Variants in NACC2 observed in about 807,000 individuals in gnomAD.
NACC2 encodes the protein NACC family member 2.
Under a neutral mutation model 25.1 loss-of-function variants are expected in NACC2, and 8 were observed. The ratio of observed to expected loss-of-function variants is 0.32; its 90% CI spans 0.19 to 0.57. The LOEUF is 0.57. Ranked by LOEUF, NACC2 falls within the 20% of genes least tolerant of loss-of-function variation. The probability of loss-of-function intolerance (pLI) is 0.89; values close to 1 mark genes in which losing one functional copy is unlikely to be tolerated. For synonymous variants in NACC2, 435 were observed against 294.7 expected (o/e 1.48, Z -4.88); for missense variants, 644 against 650.2 (o/e 0.99, Z 0.10).
chr9:136,016,460 G>C lies in NACC2; in HGVS notation c.887-31C>G, dbSNP rs191443169. 2.3e-3 allele frequency: 3,627 copies of C among 1,609,382 alleles called. 6 individuals are homozygous for C. The highest frequency in any genetic ancestry group is 4.1e-3 in the Admixed American group (245 of 59,988). ...GGCCCAGAACCAACCTGGTCAGATG[G>C]GCATCTGGGGGGCCGGGCTGCTCTG... On this transcript the variant is annotated intron_variant, in intron 2 of 5. Coordinates refer to ENST00000277554, the MANE Select transcript of NACC2 (RefSeq NM_144653.5).
At chr9:136,038,646 C>CT (rs1840588814) in intron 2 of NACC2, among the ~76,000 whole-genome samples, 1 of 152,094 alleles carries the variant, frequency 6.6e-6, no homozygotes. Flanking sequence ...AAAAAGATTA[C>CT]TTTATGGTAA....
At chr9:136,077,127 C>T (rs146578251) in intron 1 of NACC2, among the ~76,000 whole-genome samples, 886 of 148,872 alleles carry the variant, frequency 6.0e-3, no homozygotes, top group African/African-American at 0.02. Context: ...TGCAGTGAGC[C>T]GAGATTGCGC....
chr9:136,019,246 C>CA lies in NACC2; in HGVS notation c.887-2818dup, dbSNP rs150271697. ...AACCCGCAGAGAGACTTGTTCATGGCAGAGACAGGACGGCTCATCCCTCGT... is the reference window on the plus strand; with the variant it reads ...AACCCGCAGAGAGACTTGTTCATGGCAAGAGACAGGACGGCTCATCCCTCGT... On this transcript the variant is annotated intron_variant, in intron 2 of 5. Transcript: ENST00000277554. The surrounding 1 kb of genome is among the most constrained non-coding windows in gnomAD (Gnocchi z 5.2). The CA allele has an allele frequency of 0.12, 18,221 of 152,288 alleles. 1,308 individuals are homozygous for CA. Among genetic ancestry groups the CA allele is most frequent in the East Asian group, 0.21 (1,105 of 5,168 alleles). 9.4% of individuals were successfully genotyped at this position (152,288 alleles called of 1,614,324 possible).
rs997353198 is a variant in NACC2 at position 136,036,643 on chromosome 9, G to A, written c.886+12993C>T. ...CAAAACAGGAATGAGGGGAGAAATG[G>A]AAAGTATAAAAAAGAACAAAACAGA... On this transcript the variant is annotated intron_variant, in intron 2 of 5. Coordinates refer to ENST00000277554, the MANE Select transcript of NACC2 (RefSeq NM_144653.5). Among the ~76,000 whole-genome samples, 1,263 of 152,156 alleles carry A rather than the reference G, an allele frequency of 8.3e-3. 16 individuals are homozygous for A. Among genetic ancestry groups the A allele is most frequent in the African/African-American group, 0.029 (1,190 of 41,536 alleles).
At chr9:136,044,751 C>T (rs1408700385) in intron 2 of NACC2, among the ~76,000 whole-genome samples, 2 of 152,242 alleles carry the variant, frequency 1.3e-5, no homozygotes, top group Admixed American at 6.5e-5. Flanking sequence ...GGAGCGGCCT[C>T]GGACATACAG....
rs576737501 is a variant in NACC2 at position 136,089,126 on chromosome 9, C to T, written c.-60+6063G>A. On this transcript the variant is annotated intron_variant, in intron 1 of 5. Transcript: ENST00000277554. ...TGACCAGCTTTCAGTTACGCGGTTA[C>T]GTTTGCAGCACTGCAGCCCGGGAGA... is the stretch of plus-strand genomic sequence containing the variant. Among the ~76,000 whole-genome samples, 10 of 152,322 alleles carry T rather than the reference C, an allele frequency of 6.6e-5. No individual in the cohort carries two copies. In the South Asian group the frequency reaches 2.1e-3, roughly 32 times the overall value.
At chr9:136,048,533 G>A (rs1475218005) in intron 2 of NACC2, among the ~76,000 whole-genome samples, 2 of 152,266 alleles carry the variant, frequency 1.3e-5, no homozygotes, top group Non-Finnish European at 2.9e-5. Flanking sequence ...CTGGCATTCT[G>A]TGGGATTCAT....
At chr9:136,087,525 C>A (rs2131190651) in intron 1 of NACC2, among the ~76,000 whole-genome samples, 2 of 152,350 alleles carry the variant, frequency 1.3e-5, no homozygotes, top group African/African-American at 4.8e-5. Flanking sequence ...CCAGTCCTCG[C>A]AGGGCCCGGC....
At chr9:136,087,996 A>T (rs1031135133) in intron 1 of NACC2, among the ~76,000 whole-genome samples, 1 of 150,692 alleles carries the variant, frequency 6.6e-6, no homozygotes, top group African/African-American at 2.4e-5. Context: ...AAGTTCCGGG[A>T]GGTGACCTGG....
intron 1 of NACC2, among the ~76,000 whole-genome samples, chr9:136,082,550 G>C (rs1243606623): frequency 6.6e-6 from 1 of 152,204 alleles, no homozygotes; most frequent in Non-Finnish European, 1.5e-5. Context: ...CACTGGGTCT[G>C]GCCCTCGGAG....
Position 136,016,289 on chromosome 9 carries a change from C to G in NACC2, c.1027G>C (p.Gly343Arg), listed in dbSNP as rs918170585. The G allele has an allele frequency of 6.2e-7, 1 of 1,612,810 alleles. No individual in the cohort carries two copies. Among genetic ancestry groups the G allele is most frequent in the African/African-American group, 1.3e-5 (1 of 74,904 alleles). ...CCTGCCACCAGCTCCAGCTTCTCCC[C>G]GGGGTCCCCTTCCGAGTAGAGCTTG... ...HPKLYSEGDP[G>R]EKLELVAGSG... The change falls in exon 3 of 6, where the codon GGG (glycine) becomes CGG (arginine). Residue 343 changes from glycine to arginine, a missense_variant. Physicochemically the swap from Gly to Arg is moderately radical, Grantham distance 125 (BLOSUM62 -2). Transcript: ENST00000277554.
intron 2 of NACC2, among the ~76,000 whole-genome samples, chr9:136,027,253 G>A (rs1840406324): frequency 1.3e-5 from 2 of 152,126 alleles, no homozygotes; most frequent in Admixed American, 1.3e-4. Flanking sequence ...TAATGTTTGT[G>A]AAGAATGAAT....
At chr9:136,041,761 C>T (rs1840636358) in intron 2 of NACC2, among the ~76,000 whole-genome samples, 3 of 152,230 alleles carry the variant, frequency 2.0e-5, no homozygotes, top group Admixed American at 6.5e-5. Context: ...GTGTGAATTA[C>T]GTCTCAATAA....
In NACC2 at chr9:136,055,478, C is replaced by A. The variant is rs1208943792; in HGVS notation, c.-59-4898G>T. On this transcript the variant is annotated intron_variant, in intron 1 of 5. Coordinates refer to ENST00000277554, the MANE Select transcript of NACC2 (RefSeq NM_144653.5). The surrounding 1 kb of genome is among the most constrained non-coding windows in gnomAD (Gnocchi z 4.9). Reference sequence around the variant, plus strand: ...ACAGGAGGAGCCCTTTTCCTGGGGCCCAGCCAGGCAGCTCCATGGTCTGAG... The same window carrying A: ...ACAGGAGGAGCCCTTTTCCTGGGGCACAGCCAGGCAGCTCCATGGTCTGAG... Among the ~76,000 whole-genome samples, 1 of 152,064 alleles carries A rather than the reference C, an allele frequency of 6.6e-6. No homozygotes were observed. The highest frequency in any genetic ancestry group is 2.4e-5 in the African/African-American group (1 of 41,408).
intron 1 of NACC2, among the ~76,000 whole-genome samples, chr9:136,081,460 G>A (rs924282809): frequency 2.8e-4 from 42 of 152,216 alleles, no homozygotes; most frequent in African/African-American, 9.9e-4. Flanking sequence ...CTCTCTGAGC[G>A]CGGGGTGCCC....
chr9:136,051,943 G>A (rs1262914450), intron 1 of NACC2, among the ~76,000 whole-genome samples: 1 of 146,788 alleles, frequency 6.8e-6, no homozygotes, highest in Non-Finnish European at 1.5e-5. Context: ...GAGGAGGGCA[G>A]AGCGCCTGGG....
At position 136,035,441 on chromosome 9, in the gene NACC2, T is replaced by C. The variant is rs534896715; in HGVS notation, c.886+14195A>G. 2.4e-4 allele frequency among the ~76,000 whole-genome samples: 37 copies of C among 151,978 alleles called. No individual in the cohort carries two copies. In the East Asian group the frequency reaches 5.4e-3, roughly 22 times the overall value. ...AAGAGAGGGACATTCTACAAAATAA[T>C]GAACTGCGCTTTTCAAAGGATCAGT... On this transcript the variant is annotated intron_variant, in intron 2 of 5. Coordinates refer to ENST00000277554, the MANE Select transcript of NACC2 (RefSeq NM_144653.5).
chr9:136,073,885 C>T (rs1422830523), intron 1 of NACC2, among the ~76,000 whole-genome samples: 1 of 152,172 alleles, frequency 6.6e-6, no homozygotes, highest in Non-Finnish European at 1.5e-5. Flanking sequence ...TCTGGTCTGC[C>T]CAGAAGCAGG....
intron 2 of NACC2, among the ~76,000 whole-genome samples, chr9:136,042,130 A>C (rs1840642718): frequency 1.3e-5 from 2 of 152,124 alleles, no homozygotes; most frequent in Admixed American, 1.3e-4. Context: ...CTAGGACTAC[A>C]GGCGCATGCC....
Sources: gnomAD v4.1 joint callset for allele counts (sites outside exome capture counted in the v4.1 genomes callset) on GRCh38, gnomAD v4.1.1 for gene constraint, Gnocchi (gnomAD v3.1) non-coding constraint, MANE v1.5 for transcripts, NCBI Gene and HGNC (gene_info 2026-07-23, HGNC 2026-07-21) for gene names.